The following DCAF1 variants were observed in gnomAD, a reference collection of about 807,000 sequenced individuals.
The protein encoded by DCAF1 is DDB1- and CUL4-associated factor 1.
In DCAF1, 15 loss-of-function variants were observed where a neutral mutation model predicts 128.0. That is an observed-to-expected ratio of 0.12 (90% CI 0.08 to 0.18). The LOEUF (loss-of-function observed/expected upper bound fraction) is 0.18, where lower values mean the gene tolerates loss of function less well. DCAF1 is among the 10% of genes least tolerant of loss of function. DCAF1 has a pLI of 1.00. For missense variants in DCAF1, 988 were observed against 1,649.5 expected (o/e 0.60, Z 6.95); for synonymous variants, 610 against 603.0 (o/e 1.01, Z -0.17).
chr3:51,443,290 A>C (rs1701537925), intron 7 of DCAF1, among the ~76,000 whole-genome samples: 1 of 152,128 alleles, frequency 6.6e-6, no homozygotes, highest in Non-Finnish European at 1.5e-5. Context: ...CCTTGACAAG[A>C]TTAAAAGTAG....
At chr3:51,432,973 T>A (rs1700521301) in intron 10 of DCAF1, 133 bp downstream of exon 10, 1 of 395,510 alleles carries the variant, frequency 2.5e-6, no homozygotes, top group Non-Finnish European at 4.5e-6. Flanking sequence ...ACTTTCATGT[T>A]CCTTGTTTCA....
chr3:51,443,664 G>GTACAAGATAATCAATATGATC (rs1559518376), intron 7 of DCAF1, 102 bp downstream of exon 7: 1 of 1,064,746 alleles, frequency 9.4e-7, no homozygotes. Flanking sequence ...CCATGCTCCA[G>GTACAAGATAATCAATATGATC]TACAAGATAA....
chr3:51,428,587 C>T (rs1055025414), intron 12 of DCAF1, among the ~76,000 whole-genome samples: 3 of 152,084 alleles, frequency 2.0e-5, no homozygotes, highest in Non-Finnish European at 4.4e-5. Context: ...TGCAGCTACT[C>T]GTCATTATCC....
At chr3:51,473,058 C>T (rs1271463932) in intron 3 of DCAF1, among the ~76,000 whole-genome samples, 2 of 149,634 alleles carry the variant, frequency 1.3e-5, no homozygotes, top group Non-Finnish European at 3.0e-5. Context: ...GGGCCGATCA[C>T]CTGAGGTCAG....
chr3:51,492,809 A>G (rs1049116834), intron 2 of DCAF1, among the ~76,000 whole-genome samples: 1 of 151,732 alleles, frequency 6.6e-6, no homozygotes, highest in Admixed American at 6.6e-5. Context: ...CCTGGCTAAC[A>G]TGGTGAAACC....
At chr3:51,480,843 G>GT (rs1233424588) in intron 3 of DCAF1, among the ~76,000 whole-genome samples, 12 of 151,750 alleles carry the variant, frequency 7.9e-5, no homozygotes, top group Non-Finnish European at 4.4e-5. Flanking sequence ...TACTAGAACC[G>GT]TTTTTTTTAC....
intron 7 of DCAF1, among the ~76,000 whole-genome samples, chr3:51,442,571 C>T (rs1448998071): frequency 2.0e-5 from 3 of 151,854 alleles, no homozygotes; most frequent in Non-Finnish European, 2.9e-5. Flanking sequence ...TGGAGGTGCT[C>T]GCCTGTAATC....
At chr3:51,424,717 T>C (rs1200749604) in intron 13 of DCAF1, among the ~76,000 whole-genome samples, 1 of 152,056 alleles carries the variant, frequency 6.6e-6, no homozygotes, top group Non-Finnish European at 1.5e-5. Flanking sequence ...CTCAAGAATA[T>C]AAGGGTAAAA....
At chr3:51,426,436 C>T (rs1405942394) in intron 13 of DCAF1, among the ~76,000 whole-genome samples, 15 of 152,128 alleles carry the variant, frequency 9.9e-5, no homozygotes, top group African/African-American at 3.1e-4. Flanking sequence ...TCTCAAACTT[C>T]GGACCTCAAG....
chr3:51,451,013 T>C (rs1272995922), intron 6 of DCAF1, among the ~76,000 whole-genome samples: 1 of 122,518 alleles, frequency 8.2e-6, no homozygotes, highest in Non-Finnish European at 1.6e-5. Context: ...AAAATCAACA[T>C]ACAAAAATCA....
At chr3:51,401,763 G>A (rs764247193) in intron 24 of DCAF1, among the ~76,000 whole-genome samples, 4 of 152,204 alleles carry the variant, frequency 2.6e-5, no homozygotes, top group Non-Finnish European at 4.4e-5. Flanking sequence ...CTGACCCTGC[G>A]AACCTGCCCT....
At chr3:51,413,803 T>C in intron 20 of DCAF1, 147 bp downstream of exon 20, 15 of 1,082,654 alleles carry the variant, frequency 1.4e-5, no homozygotes, top group Non-Finnish European at 1.7e-5. Context: ...TTTGTCACCA[T>C]TCATACTATC....
At position 51,412,987 on chromosome 3, in the gene DCAF1, C is replaced by T. The variant is rs782530650; in HGVS notation, c.4110+6G>A. ...AAAGAGCAGGGCCTCTGCAAGCTCC[C>T]TTTACCTCAATGACAGCAAGATAGC... On this transcript the variant is annotated splice_donor_region_variant and intron_variant, in intron 22 of 24. Coordinates refer to ENST00000684031, the MANE Select transcript of DCAF1 (RefSeq NM_001387579.1). 1.2e-5 allele frequency: 20 copies of T among 1,613,682 alleles called. No homozygotes were observed. The South Asian group carries it at 1.9e-4, about 15-fold the overall frequency.
At chr3:51,446,106 G>A (rs1418662979) in intron 6 of DCAF1, among the ~76,000 whole-genome samples, 1 of 148,828 alleles carries the variant, frequency 6.7e-6, no homozygotes, top group Non-Finnish European at 1.5e-5. Flanking sequence ...TGTTTCTCCT[G>A]CCTTGGCCTC....
chr3:51,483,649 G>GTGT, intron 3 of DCAF1, 70 bp downstream of exon 3: 42 of 880,618 alleles, frequency 4.8e-5, no homozygotes, highest in Non-Finnish European at 6.4e-5. Context: ...GTGTGTGTAT[G>GTGT]AAGAAATCTA....
At chr3:51,503,778 T>C (rs1178288872), upstream of DCAF1, among the ~76,000 whole-genome samples, 3 of 152,152 alleles carry the variant, frequency 2.0e-5, no homozygotes, top group Admixed American at 6.6e-5. Flanking sequence ...TCCCAAAGGG[T>C]GTGTAATTAT....
rs1577050943 is a variant in DCAF1 at position 51,405,592 on chromosome 3, C to T, written c.4213-2197G>A. Among the ~76,000 whole-genome samples the T allele has an allele frequency of 2.0e-5, 3 of 152,178 alleles. No individual in the cohort carries two copies. In the East Asian group the frequency reaches 5.8e-4, roughly 29 times the overall value. The stretch of plus-strand genomic sequence containing the variant: ...TGTCGTCTCTACTTTGTATTTAATG[C>T]CCAATGCTGATTTCTCACCATGCAT... On this transcript the variant is annotated intron_variant, in intron 23 of 24. Coordinates refer to ENST00000684031, the MANE Select transcript of DCAF1 (RefSeq NM_001387579.1).
intron 13 of DCAF1, 34 bp downstream of exon 13, chr3:51,427,338 T>A (rs1553634347): frequency 3.0e-6 from 2 of 656,326 alleles, no homozygotes; most frequent in Admixed American, 2.4e-5. Flanking sequence ...AAAAGATGCA[T>A]CAAACTTCAT....
chr3:51,470,331 C>T (rs781918946), intron 4 of DCAF1, among the ~76,000 whole-genome samples: 5 of 152,080 alleles, frequency 3.3e-5, no homozygotes, highest in Admixed American at 1.3e-4. Context: ...GAGGCCCAGG[C>T]GGGAGGATAG....
Sources: gnomAD v4.1 joint callset for allele counts (sites outside exome capture counted in the v4.1 genomes callset) on GRCh38, gnomAD v4.1.1 for gene constraint, MANE v1.5 for transcripts, NCBI Gene and HGNC (gene_info 2026-07-23, HGNC 2026-07-21) for gene names.